Variants in FMN1 observed in about 807,000 individuals in gnomAD.
FMN1 encodes the protein formin 1.
FMN1 carries 110 observed loss-of-function variants against 132.4 expected under a neutral mutation model. That is an observed-to-expected ratio of 0.83 (90% CI 0.71 to 0.97). The LOEUF (loss-of-function observed/expected upper bound fraction) is 0.97. FMN1 is among the 50% of genes least tolerant of loss of function. The pLI, the probability that FMN1 is intolerant of heterozygous loss-of-function variation, is 0.00. For synonymous variants in FMN1, 722 were observed against 651.7 expected (o/e 1.11, Z -1.64); for missense variants, 1,792 against 1,705.3 (o/e 1.05, Z -0.90).
chr15:32,866,763 C>G (rs994700443), intron 16 of FMN1, among the ~76,000 whole-genome samples: 3 of 152,196 alleles, frequency 2.0e-5, no homozygotes, highest in Non-Finnish European at 2.9e-5. Context: ...ATCCTGTGGG[C>G]AGTGTCCTCA....
chr15:32,890,148 T>A (rs532759373), intron 15 of FMN1, among the ~76,000 whole-genome samples: 3 of 152,000 alleles, frequency 2.0e-5, no homozygotes, highest in East Asian at 1.9e-4. Flanking sequence ...TATATATATA[T>A]CAGTTTCTTT....
intron 15 of FMN1, among the ~76,000 whole-genome samples, chr15:32,895,901 A>G (rs1387104128): frequency 6.6e-6 from 1 of 152,178 alleles, no homozygotes; most frequent in East Asian, 1.9e-4. Flanking sequence ...ATTGAAAGTC[A>G]TCATTCTCAC....
chr15:33,166,834 T>A (rs1965128054), intron 3 of FMN1, among the ~76,000 whole-genome samples: 1 of 152,160 alleles, frequency 6.6e-6, no homozygotes, highest in African/African-American at 2.4e-5. Context: ...AACAGAAAGA[T>A]CTACCCAGGG....
intron 5 of FMN1, among the ~76,000 whole-genome samples, chr15:33,070,264 C>T (rs540978407): frequency 6.6e-6 from 1 of 151,934 alleles, no homozygotes; most frequent in South Asian, 2.1e-4. Flanking sequence ...CTCGGCCTCC[C>T]AAAGTGCTAG....
At chr15:32,930,814 T>C (rs1331021385) in intron 9 of FMN1, among the ~76,000 whole-genome samples, 1 of 152,180 alleles carries the variant, frequency 6.6e-6, no homozygotes, top group African/African-American at 2.4e-5. Context: ...AAAAAAGTTT[T>C]ATAGTTTCAA....
At chr15:33,137,965 T>C (rs1595554075) in intron 4 of FMN1, among the ~76,000 whole-genome samples, 1 of 152,330 alleles carries the variant, frequency 6.6e-6, no homozygotes, top group Non-Finnish European at 1.5e-5. Flanking sequence ...TCTCTGACTT[T>C]CCATTGCTTC....
intron 16 of FMN1, among the ~76,000 whole-genome samples, chr15:32,873,215 G>A (rs182556632): frequency 2.6e-5 from 4 of 152,276 alleles, no homozygotes; most frequent in African/African-American, 9.6e-5. Flanking sequence ...TAAATCTGTC[G>A]GGAGAATTGT....
chr15:33,002,023 C>A (rs1037589358), intron 7 of FMN1, among the ~76,000 whole-genome samples: 2 of 152,118 alleles, frequency 1.3e-5, no homozygotes, highest in African/African-American at 4.8e-5. Flanking sequence ...AGTGATTTCC[C>A]TTCAAGTGTA....
intron 6 of FMN1, among the ~76,000 whole-genome samples, chr15:33,033,647 T>C (rs922115214): frequency 2.1e-5 from 3 of 142,224 alleles, no homozygotes; most frequent in African/African-American, 7.9e-5. Context: ...TTGATCGTAT[T>C]TGTCCCACCA....
rs1202666707 is a variant in FMN1, at chr15:33,194,078, AAGC to A, written c.-348-21_-348-19del. ...AATGTCATCTATAAACACAAGCAAA[AAGC>A]AGCAACAGATACCTTTCTAGTCATT... is the stretch of plus-strand genomic sequence containing the variant. On this transcript the variant is annotated intron_variant, in intron 1 of 20. Transcript: ENST00000616417. 1 of 151,754 alleles carries A rather than the reference AAGC, an allele frequency of 6.6e-6. No homozygotes were observed. Among genetic ancestry groups the A allele is most frequent in the Non-Finnish European group, 1.5e-5 (1 of 68,052 alleles). The allele number at this position is 151,754 out of a possible 1,614,324, so 9.4% of individuals were successfully genotyped here. A position where few individuals can be genotyped will look rare whatever the true frequency, so the allele number is the denominator to read the frequency against.
intron 17 of FMN1, among the ~76,000 whole-genome samples, chr15:32,835,507 C>T (rs1215961507): frequency 2.6e-5 from 4 of 152,156 alleles, no homozygotes; most frequent in Admixed American, 2.6e-4. Context: ...TGAAGACACA[C>T]TTTTTTGGTG....
chr15:33,067,768 A>T (rs1356867340), intron 5 of FMN1: 11 of 1,613,844 alleles, frequency 6.8e-6, no homozygotes, highest in Non-Finnish European at 9.3e-6. Context: ...TCGTAAACCC[A>T]AATAGGGATT....
chr15:32,831,244 G>A (rs2141159992), intron 17 of FMN1, among the ~76,000 whole-genome samples: 1 of 151,838 alleles, frequency 6.6e-6, no homozygotes, highest in East Asian at 1.9e-4. Context: ...TTTGAGACAG[G>A]GTTTCGCTGT....
At chr15:33,117,729 A>G (rs1031634613) in intron 4 of FMN1, among the ~76,000 whole-genome samples, 1 of 152,176 alleles carries the variant, frequency 6.6e-6, no homozygotes, top group Admixed American at 6.5e-5. Context: ...AGCAAACAAC[A>G]TTTGTACTCT....
At chr15:32,954,369 G>A (rs1337912932) in intron 9 of FMN1, among the ~76,000 whole-genome samples, 1 of 152,186 alleles carries the variant, frequency 6.6e-6, no homozygotes, top group Non-Finnish European at 1.5e-5. Context: ...ATTGCTCAAT[G>A]TGTAATACCC....
Position 32,907,610 on chromosome 15 carries a change from T to C in FMN1, c.3377+880A>G, listed in dbSNP as rs781648446. On this transcript the variant is annotated intron_variant, in intron 12 of 20. Transcript: ENST00000616417. ...GAACTCCAGTGCAAGCCGGAGAACC[T>C]TGGAAGTTTCTAGGGCTGACTGGTA... Among the ~76,000 whole-genome samples the C allele has an allele frequency of 3.3e-5, 5 of 152,138 alleles. No individual in the cohort carries two copies. In the East Asian group the frequency reaches 5.8e-4, roughly 18 times the overall value.
At chr15:33,112,872 G>C (rs962061642) in intron 4 of FMN1, among the ~76,000 whole-genome samples, 1 of 152,132 alleles carries the variant, frequency 6.6e-6, no homozygotes. Flanking sequence ...ACAGCTACTG[G>C]GTTTATATCG....
intron 15 of FMN1, 90 bp from the exon 16 acceptor site, chr15:32,888,382 T>C: frequency 8.3e-7 from 1 of 1,197,852 alleles, no homozygotes; most frequent in East Asian, 2.4e-5. Context: ...AAAAAAAAGC[T>C]TTTTTATTGG....
intron 2 of FMN1, among the ~76,000 whole-genome samples, chr15:33,180,940 G>A (rs1051989775): frequency 6.6e-6 from 1 of 151,912 alleles, no homozygotes; most frequent in Non-Finnish European, 1.5e-5. Context: ...TAGTAAAGAG[G>A]GGGCTTCACC....
Sources: allele counts gnomAD v4.1 joint callset (sites outside exome capture counted in the v4.1 genomes callset), GRCh38; gene constraint gnomAD v4.1.1; transcripts MANE v1.5; gene names NCBI Gene and HGNC (gene_info 2026-07-23, HGNC 2026-07-21).